The following DPT variants were observed in gnomAD, a reference collection of about 807,000 sequenced individuals.
The protein encoded by DPT is dermatopontin.
Under a neutral mutation model 31.2 loss-of-function variants are expected in DPT, and 21 were observed. The observed-to-expected ratio is 0.67, with a 90% CI of 0.48 to 0.97. The LOEUF (loss-of-function observed/expected upper bound fraction) is 0.97, where lower values mean the gene tolerates loss of function less well. Ranked by LOEUF, DPT falls within the 50% of genes least tolerant of loss-of-function variation. The pLI, the probability that DPT is intolerant of heterozygous loss-of-function variation, is 0.00. For missense variants in DPT, 262 were observed against 258.8 expected (o/e 1.01, Z -0.08); for synonymous variants, 91 against 86.9 (o/e 1.05, Z -0.26).
At chr1:168,716,176 ATTAC>A (rs1649983670) in intron 1 of DPT, among the ~76,000 whole-genome samples, 1 of 152,198 alleles carries the variant, frequency 6.6e-6, no homozygotes, top group Non-Finnish European at 1.5e-5. Flanking sequence ...TTTATTATTT[ATTAC>A]TTGTTATTCA....
At chr1:168,719,173 C>T (rs1650045977) in intron 1 of DPT, among the ~76,000 whole-genome samples, 1 of 152,170 alleles carries the variant, frequency 6.6e-6, no homozygotes, top group South Asian at 2.1e-4. Flanking sequence ...CCATTAAGGG[C>T]CCTGAAACTC....
chr1:168,711,376 A>G (rs927272387), intron 2 of DPT, among the ~76,000 whole-genome samples: 1 of 151,982 alleles, frequency 6.6e-6, no homozygotes, highest in Non-Finnish European at 1.5e-5. Flanking sequence ...GGTCACCCAA[A>G]GCCTTGAGGC....
intron 2 of DPT, among the ~76,000 whole-genome samples, chr1:168,707,931 A>G (rs1000678574): frequency 2.6e-5 from 4 of 152,184 alleles, no homozygotes; most frequent in African/African-American, 9.7e-5. Flanking sequence ...TAGCAGTGTG[A>G]GAATGGACTA....
At chr1:168,721,400 A>G (rs1012527439) in intron 1 of DPT, among the ~76,000 whole-genome samples, 1 of 152,232 alleles carries the variant, frequency 6.6e-6, no homozygotes, top group Non-Finnish European at 1.5e-5. Context: ...CACAACGTAT[A>G]TAATTGAAAG....
rs376024162 is a variant in DPT at position 168,729,012 on chromosome 1, C to T, written c.163G>A (p.Val55Met). ...AAGATGCTCCTCACGGCCACTATCA[C>T]CTGCCCCTGGGGACACTGGTAGCTG... ...GFSYQCPQGQ[V>M]IVAVRSIFSK... is the part of the protein sequence containing the mutation. Residue 55 changes from valine to methionine, a missense_variant, in exon 1 of 4, where the codon GTG becomes ATG. By Grantham distance (21) the Val-to-Met change is conservative (BLOSUM62 1). Coordinates refer to ENST00000367817, the MANE Select transcript of DPT (RefSeq NM_001937.5). The T allele has an allele frequency of 3.1e-6, 5 of 1,614,122 alleles. No homozygotes were observed. In the African/African-American group the frequency reaches 4.0e-5, roughly 13 times the overall value.
At chr1:168,698,746 A>G (rs1649519902) in intron 3 of DPT, among the ~76,000 whole-genome samples, 1 of 152,196 alleles carries the variant, frequency 6.6e-6, no homozygotes, top group Non-Finnish European at 1.5e-5. Flanking sequence ...CTAGATGTCA[A>G]TAGCGCATAG....
At chr1:168,722,974 G>A (rs1393256934) in intron 1 of DPT, among the ~76,000 whole-genome samples, 3 of 152,120 alleles carry the variant, frequency 2.0e-5, no homozygotes, top group African/African-American at 7.2e-5. Flanking sequence ...CTGGGAGGAG[G>A]GAGCTTTTGC....
At chr1:168,720,615 C>A (rs1244890767) in intron 1 of DPT, among the ~76,000 whole-genome samples, 2 of 152,034 alleles carry the variant, frequency 1.3e-5, no homozygotes, top group Non-Finnish European at 2.9e-5. Context: ...TTTTTCCCAG[C>A]TTCACAGACA....
intron 2 of DPT, among the ~76,000 whole-genome samples, chr1:168,711,414 T>C (rs1341797592): frequency 6.6e-6 from 1 of 152,160 alleles, no homozygotes; most frequent in Non-Finnish European, 1.5e-5. Flanking sequence ...TGTTGTTCTG[T>C]TTGGGCAGGG....
intron 1 of DPT, among the ~76,000 whole-genome samples, chr1:168,728,314 C>A (rs1316721623): frequency 6.6e-6 from 1 of 152,230 alleles, no homozygotes; most frequent in Non-Finnish European, 1.5e-5. Context: ...ATTCCACTTT[C>A]TTTTGCCTAA....
intron 2 of DPT, among the ~76,000 whole-genome samples, chr1:168,708,978 A>G (rs1172198997): frequency 6.6e-6 from 1 of 152,238 alleles, no homozygotes; most frequent in East Asian, 1.9e-4. Flanking sequence ...AATTTAAAAA[A>G]AGCACTCTCT....
chr1:168,697,676 T>C (rs1485008684), intron 3 of DPT, among the ~76,000 whole-genome samples: 1 of 152,264 alleles, frequency 6.6e-6, no homozygotes, highest in African/African-American at 2.4e-5. Context: ...TGAACAGTGA[T>C]AATGATAATT....
intron 1 of DPT, among the ~76,000 whole-genome samples, chr1:168,721,343 A>G (rs1193057846): frequency 6.6e-6 from 1 of 152,230 alleles, no homozygotes; most frequent in Non-Finnish European, 1.5e-5. Flanking sequence ...ACAGTATTAC[A>G]CAAAAACTAA....
At chr1:168,723,411 T>C (rs1441403408) in intron 1 of DPT, among the ~76,000 whole-genome samples, 1 of 152,236 alleles carries the variant, frequency 6.6e-6, no homozygotes, top group Non-Finnish European at 1.5e-5. Context: ...TTCATCTCCA[T>C]CTTCCTGGGG....
chr1:168,709,564 C>A (rs1262219827), intron 2 of DPT, among the ~76,000 whole-genome samples: 1 of 152,140 alleles, frequency 6.6e-6, no homozygotes, highest in Non-Finnish European at 1.5e-5. Context: ...ATCTCATACT[C>A]ATTTGGGAGT....
intron 2 of DPT, among the ~76,000 whole-genome samples, chr1:168,704,379 CTAAAG>C (rs1003747328): frequency 3.7e-4 from 57 of 152,148 alleles, no homozygotes; most frequent in African/African-American, 1.4e-3. Flanking sequence ...CTCCTTTCCC[CTAAAG>C]TAAAGTGTTT....
chr1:168,722,824 T>C (rs1650154295), intron 1 of DPT, among the ~76,000 whole-genome samples: 1 of 148,784 alleles, frequency 6.7e-6, no homozygotes, highest in African/African-American at 2.5e-5. Flanking sequence ...CATTAACTTT[T>C]CAATACTTCA....
At chr1:168,724,329 AG>A (rs1411500307) in intron 1 of DPT, among the ~76,000 whole-genome samples, 1 of 152,234 alleles carries the variant, frequency 6.6e-6, no homozygotes, top group African/African-American at 2.4e-5. Context: ...CAAAGACATA[AG>A]CAAAATGGTT....
At chr1:168,711,501 T>C (rs1028908865) in intron 2 of DPT, among the ~76,000 whole-genome samples, 5 of 152,192 alleles carry the variant, frequency 3.3e-5, no homozygotes, top group Non-Finnish European at 5.9e-5. Context: ...CGAGCCTTGC[T>C]GTGATGAGGA....
Sources: allele counts gnomAD v4.1 joint callset (sites outside exome capture counted in the v4.1 genomes callset), GRCh38; gene constraint gnomAD v4.1.1; transcripts MANE v1.5; gene names NCBI Gene and HGNC (gene_info 2026-07-23, HGNC 2026-07-21).